The following RNF212 variants were observed in gnomAD, a reference collection of about 807,000 sequenced individuals.
RNF212 encodes probable E3 SUMO-protein ligase RNF212.
A neutral mutation model predicts 34.7 loss-of-function variants in RNF212; 33 were observed. The ratio of observed to expected loss-of-function variants is 0.95; its 90% CI spans 0.72 to 1.27. The LOEUF is 1.27. Among genes scored for constraint, RNF212 ranks in the 50% most tolerant of loss-of-function variants. RNF212 has a pLI of 0.00. For missense variants in RNF212, 377 were observed against 362.2 expected, an observed-to-expected ratio of 1.04 and a Z score of -0.33; for synonymous variants, 140 against 136.1, an observed-to-expected ratio of 1.03 and a Z score of -0.20.
Position 1,072,521 on chromosome 4 carries a change from A to G in RNF212, c.*353T>C, listed in dbSNP as rs1183580062. 4 of 303,632 alleles carry G rather than the reference A, an allele frequency of 1.3e-5. No individual in the cohort carries two copies. The highest frequency in any genetic ancestry group is 2.1e-5 in the Non-Finnish European group (4 of 186,512). 18.8% of individuals were successfully genotyped at this position (303,632 alleles called of 1,614,324 possible). A position where few individuals can be genotyped will look rare whatever the true frequency, so the allele number is the denominator to read the frequency against. ...TGTGGAGTCATGGTGTATATGGGAAATCTGTACCTTCCTTTCAATTTTTCT... is the reference window on the plus strand; with the variant it reads ...TGTGGAGTCATGGTGTATATGGGAAGTCTGTACCTTCCTTTCAATTTTTCT... On this transcript the variant is annotated 3_prime_UTR_variant, in exon 10 of 10. Transcript: ENST00000433731.
chr4:1,088,815 C>G (rs186582413), intron 4 of RNF212, among the ~76,000 whole-genome samples: 3 of 152,364 alleles, frequency 2.0e-5, no homozygotes, highest in African/African-American at 7.2e-5. Context: ...TGGGCTGCTG[C>G]TTCAGAGGGA....
At chr4:1,089,786 T>G (rs755197037) in intron 4 of RNF212, among the ~76,000 whole-genome samples, 3 of 152,180 alleles carry the variant, frequency 2.0e-5, no homozygotes, top group Admixed American at 1.3e-4. Flanking sequence ...TGTTTGGCAG[T>G]TCCCCCTGCC....
intron 5 of RNF212, among the ~76,000 whole-genome samples, chr4:1,082,729 G>A (rs1042199603): frequency 2.6e-5 from 4 of 152,200 alleles, no homozygotes; most frequent in Admixed American, 6.5e-5. Flanking sequence ...GGCACTGGGC[G>A]TGTTTGGCTT....
chr4:1,102,189 G>T (rs1724089704), intron 2 of RNF212, among the ~76,000 whole-genome samples: 1 of 152,070 alleles, frequency 6.6e-6, no homozygotes, highest in Non-Finnish European at 1.5e-5. Flanking sequence ...ATGATAAAGA[G>T]AATTAACAAA....
intron 3 of RNF212, among the ~76,000 whole-genome samples, chr4:1,062,395 G>A (rs1387994371): frequency 6.6e-6 from 1 of 152,124 alleles, no homozygotes; most frequent in African/African-American, 2.4e-5. Flanking sequence ...AACACATCAT[G>A]GTAACAGAAC....
intron 4 of RNF212, chr4:1,056,910 C>G: frequency 2.0e-6 from 2 of 988,018 alleles, no homozygotes; most frequent in Non-Finnish European, 1.2e-6. Flanking sequence ...TGGGAGCCCC[C>G]GAAGCTTGGA....
intron 3 of RNF212, chr4:1,093,512 G>T: frequency 3.3e-6 from 5 of 1,510,372 alleles, no homozygotes; most frequent in Non-Finnish European, 4.4e-6. Context: ...AAACAGTGGG[G>T]CCACGAGGTC....
In RNF212 at chr4:1,071,694, T is replaced by C. The variant is rs947907664; in HGVS notation, c.*1180A>G. 3 of 152,236 alleles carry C rather than the reference T, an allele frequency of 2.0e-5. No individual in the cohort carries two copies. The highest frequency in any genetic ancestry group is 4.4e-5 in the Non-Finnish European group (3 of 68,044). The allele number at this position is 152,236 out of a possible 1,614,324, so 9.4% of individuals were successfully genotyped here. A position where few individuals can be genotyped will look rare whatever the true frequency, so the allele number is the denominator to read the frequency against. On this transcript the variant is annotated 3_prime_UTR_variant, in exon 10 of 10. Transcript: ENST00000433731. ...ATAAGATGCTCCTAGTCATATGTTA[T>C]CAATGAAATGCAAAATAAAACAGCA...
intron 1 of RNF212, among the ~76,000 whole-genome samples, chr4:1,112,977 C>G (rs1338845391): frequency 2.7e-5 from 1 of 36,408 alleles, no homozygotes; most frequent in African/African-American, 1.4e-4. Context: ...CCAGTGTCCC[C>G]CTCTCCCCAC....
intron 4 of RNF212, among the ~76,000 whole-genome samples, chr4:1,089,726 C>T (rs577413167): frequency 1.3e-4 from 20 of 152,274 alleles, no homozygotes; most frequent in African/African-American, 2.6e-4. Context: ...CAGTTTCCCC[C>T]GTGCTGTTCT....
intron 1 of RNF212, among the ~76,000 whole-genome samples, chr4:1,110,154 G>A (rs56073221): frequency 2.6e-4 from 39 of 152,272 alleles, no homozygotes; most frequent in Non-Finnish European, 4.1e-4. Flanking sequence ...AGGAAATCAC[G>A]TGCGGCCAAA....
intron 8 of RNF212, among the ~76,000 whole-genome samples, chr4:1,079,089 G>C (rs113867503): frequency 6.7e-6 from 1 of 150,222 alleles, no homozygotes; most frequent in African/African-American, 2.5e-5. Context: ...GGTCAACACA[G>C]GACCAACATA....
intron 2 of RNF212, among the ~76,000 whole-genome samples, chr4:1,104,935 C>CT (rs889253241): frequency 6.6e-6 from 1 of 152,092 alleles, no homozygotes; most frequent in Admixed American, 6.5e-5. Flanking sequence ...AGGATGGGTG[C>CT]TGGGGGCTCC....
chr4:1,072,404 T>C lies in RNF212; in HGVS notation c.*470A>G, dbSNP rs1452007186. 1.3e-5 allele frequency: 2 copies of C among 159,156 alleles called. No homozygotes were observed. Among genetic ancestry groups the C allele is most frequent in the Admixed American group, 6.2e-5 (1 of 16,238 alleles). 9.9% of individuals were successfully genotyped at this position (159,156 alleles called of 1,614,324 possible). A position where few individuals can be genotyped will look rare whatever the true frequency, so the allele number is the denominator to read the frequency against. On this transcript the variant is annotated 3_prime_UTR_variant, in exon 10 of 10. Coordinates refer to ENST00000433731, the MANE Select transcript of RNF212 (RefSeq NM_001131034.4). ...TGAACCCTAATGTAAACCATGGACG[T>C]TGGGTGATAATGATGTATTCAAGTA...
intron 3 of RNF212, 47 bp from the exon 4 acceptor site, chr4:1,090,885 T>G: frequency 7.9e-7 from 1 of 1,267,658 alleles, no homozygotes. Flanking sequence ...CCACGGTCTC[T>G]GTGGCTGGAG....
chr4:1,090,198 G>A (rs1401050220), intron 4 of RNF212, among the ~76,000 whole-genome samples: 1 of 151,742 alleles, frequency 6.6e-6, no homozygotes, highest in Non-Finnish European at 1.5e-5. Flanking sequence ...ACAGGGCAAG[G>A]TGACAAGACA....
At chr4:1,062,213 T>A (rs1717794807) in intron 3 of RNF212, among the ~76,000 whole-genome samples, 1 of 152,138 alleles carries the variant, frequency 6.6e-6, no homozygotes, top group South Asian at 2.1e-4. Context: ...CTCTTATGAA[T>A]ACAGACACAC....
intron 5 of RNF212, among the ~76,000 whole-genome samples, chr4:1,084,975 C>T (rs1260591738): frequency 6.6e-6 from 1 of 152,200 alleles, no homozygotes; most frequent in Non-Finnish European, 1.5e-5. Context: ...TCCCACAGGC[C>T]CCACGGCCCC....
intron 4 of RNF212, chr4:1,056,585 T>A: frequency 7.3e-6 from 5 of 683,656 alleles, no homozygotes; most frequent in Non-Finnish European, 9.0e-6. Flanking sequence ...ATGTGTATTT[T>A]AAAAAATTCA....
Sources: gnomAD v4.1 joint callset for allele counts (sites outside exome capture counted in the v4.1 genomes callset) on GRCh38, gnomAD v4.1.1 for gene constraint, MANE v1.5 for transcripts, NCBI Gene and HGNC (gene_info 2026-07-23, HGNC 2026-07-21) for gene names.